The following PCCA variants were observed in gnomAD, a reference collection of about 807,000 sequenced individuals.
PCCA encodes propionyl-CoA carboxylase subunit alpha.
A neutral mutation model predicts 101.3 loss-of-function variants in PCCA; 74 were observed. That is an observed-to-expected ratio of 0.73 (90% CI 0.61 to 0.89). PCCA has a LOEUF of 0.89. PCCA is among the 40% of genes least tolerant of loss of function. PCCA has a pLI of 0.00. For synonymous variants in PCCA, 294 were observed against 313.6 expected (o/e 0.94, Z 0.66); for missense variants, 891 against 907.0 (o/e 0.98, Z 0.23).
At chr13:100,490,708 T>A (rs376733962) in intron 21 of PCCA, 1 of 152,308 alleles carries the variant, frequency 6.6e-6, no homozygotes, top group African/African-American at 2.4e-5. Flanking sequence ...CCTTTCTGCC[T>A]GTTTGCAGCC....
intron 6 of PCCA, among the ~76,000 whole-genome samples, chr13:100,164,025 C>T (rs1259292256): frequency 1.3e-5 from 2 of 152,152 alleles, no homozygotes; most frequent in Non-Finnish European, 2.9e-5. Flanking sequence ...CCATCACTAT[C>T]CTCTATGTTA....
At chr13:100,287,584 T>A (rs140220493) in intron 12 of PCCA, among the ~76,000 whole-genome samples, 1 of 152,280 alleles carries the variant, frequency 6.6e-6, no homozygotes, top group African/African-American at 2.4e-5. Flanking sequence ...TAATGGAAAT[T>A]GGCATACTTA....
chr13:100,429,011 GA>G (rs1036521383), intron 20 of PCCA, among the ~76,000 whole-genome samples: 2 of 152,254 alleles, frequency 1.3e-5, no homozygotes, highest in African/African-American at 4.8e-5. Context: ...GTGGCTTGAA[GA>G]AGCATGAGGT....
intron 19 of PCCA, among the ~76,000 whole-genome samples, chr13:100,396,627 A>G (rs1475231265): frequency 1.3e-5 from 2 of 152,248 alleles, no homozygotes; most frequent in African/African-American, 4.8e-5. Context: ...CCTGGGCAAT[A>G]TAGAAACCTC....
chr13:100,435,681 T>C (rs1237119491), intron 20 of PCCA, among the ~76,000 whole-genome samples: 1 of 152,192 alleles, frequency 6.6e-6, no homozygotes, highest in African/African-American at 2.4e-5. Context: ...GAACAAAGAA[T>C]TGGACAACAT....
chr13:100,163,275 T>C (rs2054681507), intron 6 of PCCA, among the ~76,000 whole-genome samples: 1 of 152,166 alleles, frequency 6.6e-6, no homozygotes, highest in African/African-American at 2.4e-5. Context: ...TATTACGCTC[T>C]CTCCTTACTG....
intron 20 of PCCA, among the ~76,000 whole-genome samples, chr13:100,429,433 ATTG>A (rs2079385284): frequency 6.6e-6 from 1 of 152,146 alleles, no homozygotes; most frequent in Non-Finnish European, 1.5e-5. Flanking sequence ...TACTGTAGTA[ATTG>A]ATTACTATAG....
At chr13:100,130,071 T>C (rs2050349372) in intron 4 of PCCA, among the ~76,000 whole-genome samples, 1 of 152,238 alleles carries the variant, frequency 6.6e-6, no homozygotes, top group African/African-American at 2.4e-5. Context: ...GCTAAATTTA[T>C]TGAAGTCCAC....
chr13:100,323,072 G>A (rs1307823410), intron 16 of PCCA, among the ~76,000 whole-genome samples: 1 of 152,254 alleles, frequency 6.6e-6, no homozygotes, highest in African/African-American at 2.4e-5. Context: ...GGGCTAGATA[G>A]TAAATGTTTT....
intron 18 of PCCA, among the ~76,000 whole-genome samples, chr13:100,363,106 T>C (rs1393768857): frequency 6.6e-6 from 1 of 152,020 alleles, no homozygotes; most frequent in African/African-American, 2.4e-5. Context: ...CTGTAAAGAA[T>C]TTTTTTTGAA....
intron 21 of PCCA, among the ~76,000 whole-genome samples, chr13:100,494,217 G>C (rs940377234): frequency 6.6e-6 from 1 of 151,058 alleles, no homozygotes; most frequent in Admixed American, 6.6e-5. Flanking sequence ...AATAAATAAA[G>C]GGCAAACTTT....
At position 100,309,849 on chromosome 13, in the gene PCCA, C is replaced by G. The variant is rs1012453964; in HGVS notation, c.1370C>G (p.Ser457Cys). 1 of 1,612,120 alleles carries G rather than the reference C, an allele frequency of 6.2e-7. No homozygotes were observed. Among genetic ancestry groups the G allele is most frequent in the Admixed American group, 1.7e-5 (1 of 59,976 alleles). ...PMISKLITYG[S>C]DRTEALKRMA... ...TGTTTTTAGCTAATCACATATGGCT[C>G]TGATAGAACTGAGGCACTGAAGAGA... The change falls in exon 16 of 24, where the codon TCT becomes TGT. Residue 457 changes from serine to cysteine, a missense_variant. Transcript: ENST00000376285.
In PCCA at chr13:100,465,853, A is replaced by G. The variant is rs551284976; in HGVS notation, c.1899+16548A>G. Among the ~76,000 whole-genome samples, 3 of 152,354 alleles carry G rather than the reference A, an allele frequency of 2.0e-5. No individual in the cohort carries two copies. In the South Asian group the frequency reaches 6.2e-4, roughly 32 times the overall value. On this transcript the variant is annotated intron_variant, in intron 21 of 23. Coordinates refer to ENST00000376285, the MANE Select transcript of PCCA (RefSeq NM_000282.4). ...ATGTCATGACCTACTTGAATACCTT[A>G]TGCGAAGAAAATAAACTTTACCCGT...
chr13:100,444,142 G>A (rs1595919856), intron 20 of PCCA, among the ~76,000 whole-genome samples: 2 of 151,430 alleles, frequency 1.3e-5, no homozygotes, highest in South Asian at 4.2e-4. Flanking sequence ...CCCTAAACTT[G>A]CCATGCCATC....
At chr13:100,348,906 CTTCCT>C (rs2072872446) in intron 18 of PCCA, among the ~76,000 whole-genome samples, 1 of 58,434 alleles carries the variant, frequency 1.7e-5, no homozygotes, top group African/African-American at 4.8e-5. Flanking sequence ...TCCTTCCTTC[CTTCCT>C]TTCTTTTCTT....
intron 20 of PCCA, among the ~76,000 whole-genome samples, chr13:100,426,552 A>G (rs2079159501): frequency 2.0e-5 from 3 of 152,168 alleles, no homozygotes; most frequent in Admixed American, 6.5e-5. Flanking sequence ...TCCATACCTG[A>G]TTCTTATCTA....
At chr13:100,462,926 T>C (rs977751650) in intron 21 of PCCA, among the ~76,000 whole-genome samples, 3 of 152,174 alleles carry the variant, frequency 2.0e-5, no homozygotes, top group African/African-American at 7.2e-5. Context: ...GTGAAGAAAG[T>C]GGAGAAATTG....
intron 18 of PCCA, among the ~76,000 whole-genome samples, chr13:100,342,280 T>C (rs528370658): frequency 6.6e-6 from 1 of 152,230 alleles, no homozygotes; most frequent in South Asian, 2.1e-4. Context: ...TTTTTGTTTT[T>C]TGAGACAGAG....
chr13:100,529,202 C>A (rs1444969739), intron 23 of PCCA, among the ~76,000 whole-genome samples: 1 of 152,124 alleles, frequency 6.6e-6, no homozygotes, highest in African/African-American at 2.4e-5. Flanking sequence ...GGCCACTTTT[C>A]CTCCCAGAGA....
Sources: gnomAD v4.1 joint callset for allele counts (sites outside exome capture counted in the v4.1 genomes callset) on GRCh38, gnomAD v4.1.1 for gene constraint, MANE v1.5 for transcripts, NCBI Gene and HGNC (gene_info 2026-07-23, HGNC 2026-07-21) for gene names.